ZFHX3: variants seen among roughly 807,000 people sequenced by gnomAD.
ZFHX3 encodes the protein zinc finger homeobox protein 3.
A neutral mutation model predicts 279.1 loss-of-function variants in ZFHX3; 42 were observed. The observed-to-expected ratio is 0.15, with a 90% CI of 0.12 to 0.19. ZFHX3 has a LOEUF of 0.19. ZFHX3 is among the 10% of genes least tolerant of loss of function. The probability of loss-of-function intolerance (pLI) is 1.00; values close to 1 mark genes in which losing one functional copy is unlikely to be tolerated. For synonymous variants in ZFHX3, 2,293 were observed against 1,957.8 expected, an observed-to-expected ratio of 1.17 and a Z score of -4.52; for missense variants, 4,981 against 4,754.0, an observed-to-expected ratio of 1.05 and a Z score of -1.40.
At chr16:72,883,193 T>G (rs893204542) in intron 4 of ZFHX3, among the ~76,000 whole-genome samples, 1 of 152,036 alleles carries the variant, frequency 6.6e-6, no homozygotes, top group Non-Finnish European at 1.5e-5. Context: ...GAGGACTAAT[T>G]AAGGCAAATC....
At chr16:73,130,937 C>A (rs1250058129) in intron 7 of ZFHX3, 2 of 1,299,488 alleles carry the variant, frequency 1.5e-6, no homozygotes, top group Non-Finnish European at 2.0e-6. Flanking sequence ...ATGCAAATGG[C>A]TAGGGGCACT....
chr16:73,348,000 C>T (rs1597294894), intron 3 of ZFHX3, among the ~76,000 whole-genome samples: 1 of 152,162 alleles, frequency 6.6e-6, no homozygotes, highest in African/African-American at 2.4e-5. Context: ...GTTCCTTAGG[C>T]AGTTGACTGG....
At chr16:72,956,070 G>T (rs1035580494) in intron 2 of ZFHX3, among the ~76,000 whole-genome samples, 1 of 152,140 alleles carries the variant, frequency 6.6e-6, no homozygotes, top group Non-Finnish European at 1.5e-5. Flanking sequence ...AGGATCAACA[G>T]GCAAATATTT....
chr16:73,157,466 A>T (rs75936122), intron 5 of ZFHX3, among the ~76,000 whole-genome samples: 36 of 41,136 alleles, frequency 8.8e-4, no homozygotes, highest in Admixed American at 1.4e-3. Context: ...AATGTTTGGT[A>T]AAAAAAAAAA....
intron 1 of ZFHX3, among the ~76,000 whole-genome samples, chr16:73,013,868 C>T (rs1016075045): frequency 1.3e-5 from 2 of 152,110 alleles, no homozygotes; most frequent in East Asian, 1.9e-4. Context: ...TCCACAGGAC[C>T]GTGCAGTAGC....
intron 3 of ZFHX3, among the ~76,000 whole-genome samples, chr16:73,439,699 C>G (rs1014683599): frequency 2.6e-5 from 4 of 152,020 alleles, no homozygotes; most frequent in African/African-American, 7.2e-5. Context: ...CTCCTTCCCC[C>G]CTTTCAAGAT....
chr16:73,730,185 T>A (rs1342879728), intron 1 of ZFHX3, among the ~76,000 whole-genome samples: 1 of 152,012 alleles, frequency 6.6e-6, no homozygotes, highest in Non-Finnish European at 1.5e-5. Context: ...TTTGATGGAA[T>A]CTTACTTGGT....
At chr16:73,057,355 C>T (rs934046974) in intron 1 of ZFHX3, among the ~76,000 whole-genome samples, 1 of 152,154 alleles carries the variant, frequency 6.6e-6, no homozygotes, top group African/African-American at 2.4e-5. Flanking sequence ...TGAGTCCATA[C>T]ACAACTTAAT....
intron 4 of ZFHX3, among the ~76,000 whole-genome samples, chr16:73,305,078 T>TA (rs11341402): frequency 4.7e-5 from 7 of 150,516 alleles, no homozygotes; most frequent in East Asian, 2.0e-4. Context: ...AATAAAAAAT[T>TA]AAAAAAAAAA....
intron 1 of ZFHX3, among the ~76,000 whole-genome samples, chr16:73,044,904 A>C (rs1361433109): frequency 6.6e-6 from 1 of 152,194 alleles, no homozygotes; most frequent in East Asian, 1.9e-4. Context: ...TACAGGCATG[A>C]GCCACCATGC....
intron 7 of ZFHX3, among the ~76,000 whole-genome samples, chr16:72,810,319 G>T (rs986206791): frequency 6.6e-6 from 1 of 152,048 alleles, no homozygotes; most frequent in African/African-American, 2.4e-5. Flanking sequence ...CTTAGTAGCT[G>T]GGATTACAGG....
intron 1 of ZFHX3, among the ~76,000 whole-genome samples, chr16:73,757,950 A>G (rs921904857): frequency 9.9e-5 from 15 of 152,180 alleles, no homozygotes; most frequent in Admixed American, 9.8e-4. Flanking sequence ...AAACACAGAA[A>G]TTATTTCAGT....
chr16:73,630,929 T>A (rs2052462426), intron 2 of ZFHX3, among the ~76,000 whole-genome samples: 1 of 152,246 alleles, frequency 6.6e-6, no homozygotes, highest in South Asian at 2.1e-4. Flanking sequence ...ACTTTTGTTT[T>A]CCTTGGTTTG....
At position 73,338,365 on chromosome 16, in the gene ZFHX3, G is replaced by A. The variant is rs528623337; in HGVS notation, c.-1290-20029C>T. Among the ~76,000 whole-genome samples the A allele has an allele frequency of 1.5e-3, 233 of 152,226 alleles. 1 individual carries two copies. The highest frequency in any genetic ancestry group is 5.3e-3 in the African/African-American group (220 of 41,510). ...CAGAGCTTCCCCAACCGGGAGGCTG[G>A]GCACATCGTAGGGCCTTGGCAAATA... On this transcript the variant is annotated intron_variant, in intron 3 of 17. Coordinates refer to the ZFHX3 transcript ENST00000641206.
intron 1 of ZFHX3, among the ~76,000 whole-genome samples, chr16:73,688,217 C>T (rs2053111112): frequency 6.6e-6 from 1 of 151,652 alleles, no homozygotes; most frequent in South Asian, 2.1e-4. Context: ...ATTAACCAGG[C>T]ATAGTGGCAC....
intron 1 of ZFHX3, among the ~76,000 whole-genome samples, chr16:73,703,580 C>T (rs576223376): frequency 5.3e-5 from 8 of 151,894 alleles, no homozygotes; most frequent in South Asian, 2.1e-4. Flanking sequence ...AGTCATGAAA[C>T]GGTACCCATA....
At chr16:73,413,012 G>C (rs2017500608) in intron 3 of ZFHX3, among the ~76,000 whole-genome samples, 1 of 152,206 alleles carries the variant, frequency 6.6e-6, no homozygotes, top group Non-Finnish European at 1.5e-5. Context: ...GGGGAAAAAT[G>C]TATAGAAAGC....
chr16:73,719,874 C>A (rs2053457470), intron 1 of ZFHX3, among the ~76,000 whole-genome samples: 1 of 151,158 alleles, frequency 6.6e-6, no homozygotes, highest in Non-Finnish European at 1.5e-5. Context: ...CTCAGGTGAT[C>A]TGCCTGCCTC....
At chr16:73,375,154 G>C (rs554260507) in intron 3 of ZFHX3, among the ~76,000 whole-genome samples, 2 of 152,140 alleles carry the variant, frequency 1.3e-5, no homozygotes, top group South Asian at 4.2e-4. Context: ...GTTACCTTGA[G>C]GTTTTGGTTT....
Sources: gnomAD v4.1 joint callset for allele counts (sites outside exome capture counted in the v4.1 genomes callset) on GRCh38, gnomAD v4.1.1 for gene constraint, MANE v1.5 for transcripts, NCBI Gene and HGNC (gene_info 2026-07-23, HGNC 2026-07-21) for gene names.